Variants in NAALADL2 observed in about 807,000 individuals in gnomAD.
The protein encoded by NAALADL2 is N-acetylated alpha-linked acidic dipeptidase like 2.
A neutral mutation model predicts 87.2 loss-of-function variants in NAALADL2; 76 were observed. That is an observed-to-expected ratio of 0.87 (90% CI 0.72 to 1.05). NAALADL2 has a LOEUF of 1.05. Ranked by LOEUF, NAALADL2 falls within the 50% of genes least tolerant of loss-of-function variation. The pLI, the probability that NAALADL2 is intolerant of heterozygous loss-of-function variation, is 0.00. For synonymous variants in NAALADL2, 354 were observed against 331.0 expected (o/e 1.07, Z -0.75); for missense variants, 1,089 against 945.8 (o/e 1.15, Z -1.99).
At chr3:175,637,377 A>G (rs189542474) in intron 11 of NAALADL2, among the ~76,000 whole-genome samples, 84 of 152,308 alleles carry the variant, frequency 5.5e-4, no homozygotes, top group Non-Finnish European at 1.0e-3. Context: ...AGATGTTGAT[A>G]TGTGATTTAA....
chr3:175,334,386 C>A (rs1187345315), intron 5 of NAALADL2, among the ~76,000 whole-genome samples: 1 of 152,126 alleles, frequency 6.6e-6, no homozygotes. Context: ...TTTGTAACTC[C>A]CCTCACCAAC....
intron 11 of NAALADL2, among the ~76,000 whole-genome samples, chr3:175,708,080 G>A (rs1476134115): frequency 2.0e-5 from 3 of 151,998 alleles, no homozygotes; most frequent in Non-Finnish European, 4.4e-5. Context: ...AAGTGACAAG[G>A]AGTTGGCCCA....
chr3:174,884,651 G>A (rs1444393151), intron 1 of NAALADL2, among the ~76,000 whole-genome samples: 1 of 152,130 alleles, frequency 6.6e-6, no homozygotes, highest in Non-Finnish European at 1.5e-5. Flanking sequence ...TAAATGCAGA[G>A]TCCCTACTTA....
intron 5 of NAALADL2, among the ~76,000 whole-genome samples, chr3:175,359,875 C>T (rs1478962679): frequency 6.6e-6 from 1 of 152,080 alleles, no homozygotes; most frequent in African/African-American, 2.4e-5. Context: ...GGAGGAAGAG[C>T]AAGCAATTTG....
At chr3:175,253,945 G>A (rs1241261786) in intron 3 of NAALADL2, among the ~76,000 whole-genome samples, 1 of 152,082 alleles carries the variant, frequency 6.6e-6, no homozygotes, top group East Asian at 1.9e-4. Context: ...TAACGAAAGT[G>A]GTTTTTTGAG....
intron 2 of NAALADL2, among the ~76,000 whole-genome samples, chr3:174,662,350 A>G (rs1219758938): frequency 6.6e-6 from 1 of 152,168 alleles, no homozygotes; most frequent in Non-Finnish European, 1.5e-5. Context: ...TAAGGATATT[A>G]AAATTAGAGT....
intron 2 of NAALADL2, among the ~76,000 whole-genome samples, chr3:174,563,430 A>G (rs1713868941): frequency 6.6e-6 from 1 of 151,706 alleles, no homozygotes. Flanking sequence ...TAACTATAAA[A>G]CTCAAATCAT....
chr3:175,061,134 T>G (rs973198646), intron 1 of NAALADL2, among the ~76,000 whole-genome samples: 4 of 152,150 alleles, frequency 2.6e-5, no homozygotes, highest in African/African-American at 9.7e-5. Flanking sequence ...TTTTCTTTTC[T>G]TAAAAAAATT....
At chr3:175,524,656 A>G (rs1416840391) in intron 9 of NAALADL2, among the ~76,000 whole-genome samples, 1 of 152,098 alleles carries the variant, frequency 6.6e-6, no homozygotes, top group African/African-American at 2.4e-5. Context: ...TGTTTCTTCT[A>G]TGGTTACAGT....
intron 1 of NAALADL2, among the ~76,000 whole-genome samples, chr3:175,062,047 C>A (rs1444125080): frequency 2.0e-5 from 3 of 151,966 alleles, no homozygotes; most frequent in African/African-American, 7.2e-5. Flanking sequence ...TCTTTATTTT[C>A]TTTTATTTAA....
intron 2 of NAALADL2, among the ~76,000 whole-genome samples, chr3:175,107,977 G>A (rs1268519148): frequency 6.6e-6 from 1 of 151,640 alleles, no homozygotes; most frequent in African/African-American, 2.4e-5. Context: ...TGGTATTGAA[G>A]TTCTCTTTCC....
At chr3:175,432,471 A>G (rs1481838187) in intron 5 of NAALADL2, among the ~76,000 whole-genome samples, 10 of 152,028 alleles carry the variant, frequency 6.6e-5, no homozygotes. Context: ...TTTAATATAT[A>G]AAACCCACCA....
At chr3:175,577,478 A>G (rs1418921490) in intron 10 of NAALADL2, among the ~76,000 whole-genome samples, 2 of 152,168 alleles carry the variant, frequency 1.3e-5, no homozygotes, top group African/African-American at 4.8e-5. Context: ...GTGGAATTTG[A>G]TGAGGATCAG....
intron 3 of NAALADL2, among the ~76,000 whole-genome samples, chr3:174,747,504 C>T (rs1734373011): frequency 6.6e-6 from 1 of 151,416 alleles, no homozygotes; most frequent in African/African-American, 2.4e-5. Flanking sequence ...CACCTGTAAT[C>T]CCATTTACTC....
chr3:175,559,288 T>G (rs1221993831), intron 9 of NAALADL2, among the ~76,000 whole-genome samples: 1 of 151,016 alleles, frequency 6.6e-6, no homozygotes, highest in Non-Finnish European at 1.5e-5. Context: ...TTGTGTAATT[T>G]TTTTTGAATT....
intron 3 of NAALADL2, among the ~76,000 whole-genome samples, chr3:174,769,696 A>C (rs1714285047): frequency 8.4e-6 from 1 of 118,784 alleles, no homozygotes; most frequent in African/African-American, 2.9e-5. Flanking sequence ...TGTTTTCTCC[A>C]GTAACATATT....
chr3:175,507,182 G>C (rs1476551959), intron 9 of NAALADL2, among the ~76,000 whole-genome samples: 2 of 151,472 alleles, frequency 1.3e-5, no homozygotes, highest in Non-Finnish European at 2.9e-5. Flanking sequence ...ATACTGCTCT[G>C]TTTCATCCTC....
intron 11 of NAALADL2, among the ~76,000 whole-genome samples, chr3:175,680,758 A>G (rs1276527353): frequency 6.6e-6 from 1 of 152,192 alleles, no homozygotes; most frequent in Non-Finnish European, 1.5e-5. Flanking sequence ...ACTAGCTTAA[A>G]TTTCTTCCAT....
intron 3 of NAALADL2, among the ~76,000 whole-genome samples, chr3:174,782,317 T>C (rs1716085355): frequency 6.6e-6 from 1 of 152,254 alleles, no homozygotes; most frequent in Non-Finnish European, 1.5e-5. Flanking sequence ...ATATGTGTGT[T>C]TTAATAGAGT....
Sources: gnomAD v4.1 joint callset for allele counts (sites outside exome capture counted in the v4.1 genomes callset) on GRCh38, gnomAD v4.1.1 for gene constraint, MANE v1.5 for transcripts, NCBI Gene and HGNC (gene_info 2026-07-23, HGNC 2026-07-21) for gene names.